The following PCNX2 variants were observed in gnomAD, a reference collection of about 807,000 sequenced individuals.
PCNX2 encodes pecanex-like protein 2.
Under a neutral mutation model 223.8 loss-of-function variants are expected in PCNX2, and 168 were observed. The ratio of observed to expected loss-of-function variants is 0.75; its 90% CI spans 0.66 to 0.85. PCNX2 has a LOEUF of 0.85. Among genes scored for constraint, PCNX2 ranks in the 40% least tolerant of loss-of-function variants. PCNX2 has a pLI of 0.00. For missense variants in PCNX2, 2,507 were observed against 2,675.5 expected (o/e 0.94, Z 1.39); for synonymous variants, 1,006 against 1,052.6 (o/e 0.96, Z 0.86).
rs1670050100 is a variant in PCNX2 at position 233,000,622 on chromosome 1, C to T, written c.5098-87G>A. The T allele has an allele frequency of 9.6e-7, 1 of 1,042,926 alleles. No individual in the cohort carries two copies. The allele number at this position is 1,042,926 out of a possible 1,614,324, so 64.6% of individuals were successfully genotyped here. On this transcript the variant is annotated intron_variant, in intron 29 of 33. Transcript: ENST00000258229. This position sits in a 1 kb window ranked among gnomAD's most constrained non-coding sequence, Gnocchi z 4.6. ...CATGCAGATGGCAACTGGCCAGTGA[C>T]CTCCAAAGCTAAGCTCTTTCCTCAT...
chr1:233,229,238 G>A (rs546053327), intron 9 of PCNX2, among the ~76,000 whole-genome samples: 16 of 152,218 alleles, frequency 1.1e-4, no homozygotes, highest in East Asian at 1.9e-4. Context: ...GAGTTATTCC[G>A]GATATCAAAT....
intron 1 of PCNX2, among the ~76,000 whole-genome samples, chr1:233,284,191 G>T (rs999404731): frequency 6.6e-6 from 1 of 152,146 alleles, no homozygotes; most frequent in Non-Finnish European, 1.5e-5. Context: ...GGATAGGAAC[G>T]ATATATTAGA....
chr1:233,265,904 A>G (rs1660306321), intron 1 of PCNX2, among the ~76,000 whole-genome samples: 1 of 152,210 alleles, frequency 6.6e-6, no homozygotes, highest in Admixed American at 6.5e-5. Context: ...ATTGCTTTTC[A>G]GTTTATCCTC....
At chr1:233,173,391 C>T (rs555288420) in intron 17 of PCNX2, among the ~76,000 whole-genome samples, 1 of 152,180 alleles carries the variant, frequency 6.6e-6, no homozygotes, top group Non-Finnish European at 1.5e-5. Context: ...GTTTCGAACT[C>T]CTGACCTCAG....
intron 21 of PCNX2, among the ~76,000 whole-genome samples, chr1:233,134,434 T>A (rs1301006412): frequency 6.6e-6 from 1 of 152,146 alleles, no homozygotes; most frequent in Admixed American, 6.5e-5. Flanking sequence ...ATGAAGTTGC[T>A]CAACAGATGA....
intron 28 of PCNX2, among the ~76,000 whole-genome samples, chr1:233,012,633 C>T (rs879806255): frequency 3.3e-5 from 5 of 151,458 alleles, no homozygotes; most frequent in Admixed American, 3.3e-4. Flanking sequence ...AAGGAAATTC[C>T]ATCAAAACAA....
At chr1:233,199,521 C>G (rs1379127574) in intron 14 of PCNX2, among the ~76,000 whole-genome samples, 1 of 151,926 alleles carries the variant, frequency 6.6e-6, no homozygotes, top group Non-Finnish European at 1.5e-5. Flanking sequence ...CACATGATTT[C>G]ATTTACTCTT....
rs773152590 is a variant in PCNX2 at position 233,250,750 on chromosome 1, G to A, written c.2211C>T (p.Leu737=). The A allele has an allele frequency of 1.2e-6, 2 of 1,605,856 alleles. No homozygotes were observed. The highest frequency in any genetic ancestry group is 1.7e-6 in the Non-Finnish European group (2 of 1,176,174). ...AAAGCTCCACTCACCGAGCCTGAGA[G>A]AGACAGTCATTATTTGATGGTAGAG... is the stretch of plus-strand genomic sequence containing the variant. ...LQPLPSNNDC[L]SQAREMQVSS... is the part of the protein sequence containing the mutation. The change falls in exon 8 of 34, where the codon CTC becomes CTT. Residue 737 remains leucine, a synonymous_variant. Transcript: ENST00000258229.
intron 17 of PCNX2, among the ~76,000 whole-genome samples, chr1:233,172,221 T>C (rs1406487516): frequency 9.9e-5 from 15 of 152,214 alleles, no homozygotes; most frequent in Non-Finnish European, 2.2e-4. Context: ...TTTCCAAGTT[T>C]AGGTTAAAAT....
chr1:233,115,479 C>G (rs149934816), intron 21 of PCNX2, among the ~76,000 whole-genome samples: 1 of 152,164 alleles, frequency 6.6e-6, no homozygotes, highest in Non-Finnish European at 1.5e-5. Context: ...GCTAAAGCAA[C>G]GTTAAACATG....
At chr1:233,226,521 C>A (rs1657730891) in intron 10 of PCNX2, among the ~76,000 whole-genome samples, 1 of 152,176 alleles carries the variant, frequency 6.6e-6, no homozygotes. Flanking sequence ...CTGCCCGCCT[C>A]AGCCTCCCAA....
Position 233,291,300 on chromosome 1 carries a change from G to T in PCNX2, c.153+4026C>A, listed in dbSNP as rs75984941. 2.5e-3 allele frequency among the ~76,000 whole-genome samples: 379 copies of T among 152,212 alleles called. 2 individuals carry two copies. The highest frequency in any genetic ancestry group is 9.0e-3 in the African/African-American group (372 of 41,530). The stretch of plus-strand genomic sequence containing the variant: ...TGGAGAAGTAAGGTGACTTGCATAA[G>T]GCCACACAATTGATAAGAGGAAGAA... On this transcript the variant is annotated intron_variant, in intron 1 of 33. Coordinates refer to ENST00000258229, the MANE Select transcript of PCNX2 (RefSeq NM_014801.4).
chr1:233,120,451 T>A (rs1381364303), intron 21 of PCNX2, among the ~76,000 whole-genome samples: 1 of 152,058 alleles, frequency 6.6e-6, no homozygotes, highest in Non-Finnish European at 1.5e-5. Context: ...GAATAGAAAA[T>A]GCTGACAAGG....
chr1:233,208,318 A>C (rs1681606584), intron 13 of PCNX2, among the ~76,000 whole-genome samples, 200 bp downstream of exon 13: 1 of 152,228 alleles, frequency 6.6e-6, no homozygotes. Flanking sequence ...ATAAATATCA[A>C]AATCCTTTAA....
chr1:233,081,070 C>T (rs114619695), intron 23 of PCNX2, among the ~76,000 whole-genome samples: 2,356 of 152,208 alleles, frequency 0.015, 57 homozygotes, highest in African/African-American at 0.054. Flanking sequence ...ACATCTGGGC[C>T]GGGTGTGGTG....
At chr1:233,164,671 C>A (rs1210189071) in intron 17 of PCNX2, among the ~76,000 whole-genome samples, 1 of 151,172 alleles carries the variant, frequency 6.6e-6, no homozygotes, top group East Asian at 1.9e-4. Flanking sequence ...CACAAACACA[C>A]CCCCATGGAA....
intron 28 of PCNX2, among the ~76,000 whole-genome samples, chr1:233,004,763 A>C (rs1399733661): frequency 2.0e-5 from 3 of 152,226 alleles, no homozygotes; most frequent in South Asian, 2.1e-4. Flanking sequence ...TTTCAACGTG[A>C]AATGTACCAC....
intron 23 of PCNX2, among the ~76,000 whole-genome samples, chr1:233,060,566 T>G (rs191652868): frequency 6.6e-6 from 1 of 152,330 alleles, no homozygotes. Context: ...AATTTGAGTT[T>G]TCTCCAGTGC....
At chr1:233,284,363 T>C (rs1401070286) in intron 1 of PCNX2, among the ~76,000 whole-genome samples, 4 of 152,142 alleles carry the variant, frequency 2.6e-5, no homozygotes, top group Non-Finnish European at 5.9e-5. Flanking sequence ...TCACACACCT[T>C]ACAGCTTTAA....
Sources: gnomAD v4.1 joint callset for allele counts (sites outside exome capture counted in the v4.1 genomes callset) on GRCh38, gnomAD v4.1.1 for gene constraint, Gnocchi (gnomAD v3.1) non-coding constraint, MANE v1.5 for transcripts, NCBI Gene and HGNC (gene_info 2026-07-23, HGNC 2026-07-21) for gene names.